CASD1: variants seen among roughly 807,000 people sequenced by gnomAD.
CASD1 encodes the protein N-acetylneuraminate (7)9-O-acetyltransferase.
In CASD1, 41 loss-of-function variants were observed where a neutral mutation model predicts 100.0. That is an observed-to-expected ratio of 0.41 (90% CI 0.32 to 0.53). The LOEUF is 0.53. CASD1 is among the 20% of genes least tolerant of loss of function. The probability of loss-of-function intolerance (pLI) is 0.25; values close to 1 mark genes in which losing one functional copy is unlikely to be tolerated. For synonymous variants in CASD1, 321 were observed against 315.6 expected, an observed-to-expected ratio of 1.02 and a Z score of -0.18; for missense variants, 774 against 948.7, an observed-to-expected ratio of 0.82 and a Z score of 2.42.
chr7:94,588,668 TTTA>T, the CASD1 span: 1 of 1,577,852 alleles, frequency 6.3e-7, no homozygotes. Context: ...TAAACATTAA[TTTA>T]TTATTCTTAG....
chr7:94,580,424 C>G, the CASD1 span, among the ~76,000 whole-genome samples: 1 of 152,160 alleles, frequency 6.6e-6, no homozygotes, highest in Admixed American at 6.5e-5. Context: ...GCTCTTCTAT[C>G]TGCCTCAAAT....
downstream of CASD1, among the ~76,000 whole-genome samples, chr7:94,560,333 C>T (rs1796319632): frequency 6.6e-6 from 1 of 152,180 alleles, no homozygotes; most frequent in Non-Finnish European, 1.5e-5. Context: ...TCCTTGACCC[C>T]TTCCATTTTA....
the CASD1 span, chr7:94,624,942 T>C: frequency 6.6e-6 from 1 of 151,988 alleles, no homozygotes; most frequent in Non-Finnish European, 1.5e-5. Flanking sequence ...AAGAATTTTA[T>C]TACCTGATTT....
chr7:94,546,596 A>G (rs1404544302), intron 12 of CASD1, among the ~76,000 whole-genome samples: 1 of 151,946 alleles, frequency 6.6e-6, no homozygotes, highest in Non-Finnish European at 1.5e-5. Context: ...TTAATCGAAT[A>G]AACTATCAAT....
At chr7:94,542,934 C>T (rs1443945747) in intron 10 of CASD1, among the ~76,000 whole-genome samples, 1 of 152,110 alleles carries the variant, frequency 6.6e-6, no homozygotes, top group Non-Finnish European at 1.5e-5. Flanking sequence ...TAAATAAAAA[C>T]TCTTTGTTTG....
chr7:94,561,107 TGTG>T (rs1281922293), downstream of CASD1, among the ~76,000 whole-genome samples: 1 of 151,664 alleles, frequency 6.6e-6, no homozygotes, highest in African/African-American at 2.4e-5. Context: ...ATTAGCCAGG[TGTG>T]GTGGTGGGGG....
chr7:94,623,572 G>A, the CASD1 span: 4 of 587,568 alleles, frequency 6.8e-6, no homozygotes, highest in Middle Eastern at 4.5e-4. Context: ...GCAATATTAT[G>A]GGAAAATAAA....
the CASD1 span, chr7:94,590,122 G>A: frequency 1.3e-5 from 2 of 152,100 alleles, no homozygotes; most frequent in Non-Finnish European, 2.9e-5. Flanking sequence ...ATGTCTGCTT[G>A]AAGCCAACAA....
chr7:94,538,953 G>A lies in CASD1; in HGVS notation c.1267-14G>A. Reference sequence around the variant, plus strand: ...ATGATAAATTTTAAAACAGATTTTGGTTCCTTTACACAGACTAAAGTATTA... The same window carrying A: ...ATGATAAATTTTAAAACAGATTTTGATTCCTTTACACAGACTAAAGTATTA... On this transcript the variant is annotated splice_polypyrimidine_tract_variant and intron_variant, in intron 9 of 17. Coordinates refer to ENST00000297273, the MANE Select transcript of CASD1 (RefSeq NM_022900.5). The A allele has an allele frequency of 7.1e-7, 1 of 1,413,188 alleles. No individual in the cohort carries two copies. Among genetic ancestry groups the A allele is most frequent in the East Asian group, 2.4e-5 (1 of 42,190 alleles). 87.5% of individuals were successfully genotyped at this position (1,413,188 alleles called of 1,614,324 possible). A position where few individuals can be genotyped will look rare whatever the true frequency, so the allele number is the denominator to read the frequency against.
At chr7:94,617,690 G>C in the CASD1 span, 5 of 152,190 alleles carry the variant, frequency 3.3e-5, no homozygotes, top group Admixed American at 3.3e-4. Flanking sequence ...ATGTATGCTT[G>C]ACTGATTTCA....
the CASD1 span, among the ~76,000 whole-genome samples, chr7:94,631,439 T>C: frequency 5.9e-5 from 9 of 151,912 alleles, no homozygotes; most frequent in African/African-American, 2.2e-4. Flanking sequence ...CCTAACTAGG[T>C]ATTATCCCAG....
chr7:94,593,290 G>A, the CASD1 span, among the ~76,000 whole-genome samples: 1 of 151,930 alleles, frequency 6.6e-6, no homozygotes, highest in Non-Finnish European at 1.5e-5. Flanking sequence ...TTAGAATAAT[G>A]AATAAGGAAA....
At chr7:94,520,793 TAAAAATAC>T (rs1794222305) in intron 3 of CASD1, among the ~76,000 whole-genome samples, 1 of 152,014 alleles carries the variant, frequency 6.6e-6, no homozygotes, top group Admixed American at 6.6e-5. Flanking sequence ...CCATCACTAC[TAAAAATAC>T]AAAAATAAGG....
intron 3 of CASD1, 94 bp downstream of exon 3, chr7:94,518,417 C>A: frequency 9.1e-7 from 1 of 1,095,580 alleles, no homozygotes. Context: ...TGAGTAGGAG[C>A]TGAAAAAATT....
At chr7:94,623,289 A>G in the CASD1 span, 1 of 1,299,254 alleles carries the variant, frequency 7.7e-7, no homozygotes, top group Admixed American at 1.8e-5. Flanking sequence ...AATACTTCTT[A>G]TAAATAAGAA....
At chr7:94,571,747 G>A in the CASD1 span, among the ~76,000 whole-genome samples, 6 of 152,070 alleles carry the variant, frequency 3.9e-5, no homozygotes, top group Non-Finnish European at 8.8e-5. Context: ...ACCAAGACTG[G>A]ATGACTTTTA....
chr7:94,509,855 G>C lies in CASD1; in HGVS notation c.-230G>C, dbSNP rs1793592997. 3.0e-6 allele frequency: 3 copies of C among 1,012,588 alleles called. No individual in the cohort carries two copies. The allele number at this position is 1,012,588 out of a possible 1,614,324, so 62.7% of individuals were successfully genotyped here. A position where few individuals can be genotyped will look rare whatever the true frequency, so the allele number is the denominator to read the frequency against. On this transcript the variant is annotated 5_prime_UTR_variant, in exon 1 of 18. Transcript: ENST00000297273. Reference sequence around the variant, plus strand: ...TGGGGAACCGGCACGGCGGAGCAGCGGCGGCGGGGCTGGGGGGAGGCCGCC... The same window carrying C: ...TGGGGAACCGGCACGGCGGAGCAGCCGCGGCGGGGCTGGGGGGAGGCCGCC...
chr7:94,554,091 G>A (rs533985043), intron 16 of CASD1: 3 of 155,280 alleles, frequency 1.9e-5, no homozygotes, highest in African/African-American at 7.2e-5. Context: ...AGTCAAGAGA[G>A]GGAATGACTG....
the CASD1 span, among the ~76,000 whole-genome samples, chr7:94,630,324 A>G: frequency 1.3e-5 from 2 of 151,864 alleles, no homozygotes; most frequent in South Asian, 4.1e-4. Context: ...ATGTCAGACT[A>G]TATAACACTA....
Sources: gnomAD v4.1 joint callset for allele counts (sites outside exome capture counted in the v4.1 genomes callset) on GRCh38, gnomAD v4.1.1 for gene constraint, MANE v1.5 for transcripts, NCBI Gene and HGNC (gene_info 2026-07-23, HGNC 2026-07-21) for gene names.